Variants in BSG observed in about 807,000 individuals in gnomAD.
The protein encoded by BSG is basigin.
BSG carries 37 observed loss-of-function variants against 43.1 expected under a neutral mutation model. The observed-to-expected ratio is 0.86, with a 90% CI of 0.66 to 1.13. The LOEUF is 1.13. Among genes scored for constraint, BSG ranks in the 50% most tolerant of loss-of-function variants. The probability of loss-of-function intolerance (pLI) is 0.00; values close to 1 mark genes in which losing one functional copy is unlikely to be tolerated. For synonymous variants in BSG, 309 were observed against 238.7 expected, an observed-to-expected ratio of 1.29 and a Z score of -2.72; for missense variants, 599 against 554.2, an observed-to-expected ratio of 1.08 and a Z score of -0.81.
intron 1 of BSG, among the ~76,000 whole-genome samples, chr19:574,406 A>G (rs1402062693): frequency 1.3e-5 from 2 of 151,984 alleles, no homozygotes; most frequent in Non-Finnish European, 2.9e-5. Context: ...ACAAAAAATT[A>G]GCCTGGCGTG....
intron 8 of BSG, 71 bp downstream of exon 8, chr19:582,653 T>C: frequency 1.4e-6 from 2 of 1,411,828 alleles, no homozygotes; most frequent in Non-Finnish European, 1.9e-6. Flanking sequence ...GAGCCAGGTG[T>C]GGTGGGCGGG....
chr19:579,343 C>T, intron 2 of BSG, 157 bp from the exon 3 acceptor site: 1 of 1,025,784 alleles, frequency 9.7e-7, no homozygotes, highest in Non-Finnish European at 1.5e-6. Flanking sequence ...CAGAAGTTCC[C>T]CTTGGGCCTC....
chr19:572,331 A>T (rs1981311598), upstream of BSG: 3 of 987,458 alleles, frequency 3.0e-6, no homozygotes, highest in South Asian at 9.6e-5. Context: ...CTTTGAAAGC[A>T]GGAAGGAAGA....
At chr19:572,588 G>A (rs1981346792), upstream of BSG, 1 of 1,441,096 alleles carries the variant, frequency 6.9e-7, no homozygotes, top group Non-Finnish European at 9.2e-7. Flanking sequence ...GCCGCGGGCG[G>A]CGGCGGCAGC....
Position 582,443 on chromosome 19 carries a change from G to T in BSG, c.1095-71G>T, listed in dbSNP as rs552366872. On this transcript the variant is annotated intron_variant, in intron 7 of 8. Transcript: ENST00000333511. ...CAGTATTCGGGGGTCCTGGGGGCCG[G>T]GGTGGGCAGGGGTGACTTGGAGAGA... 6.5e-4 allele frequency: 1,047 copies of T among 1,599,414 alleles called. 3 individuals carry two copies. Among genetic ancestry groups the T allele is most frequent in the Non-Finnish European group, 6.7e-4 (786 of 1,172,126 alleles).
rs369004374 is a variant in BSG at position 581,385 on chromosome 19, A to G, written c.863A>G (p.Glu288Gly). ...CAGGGCCGGTCAGAGCTACACATTG[A>G]GAACCTGAACATGGAGGCCGACCCC... ...SSQGRSELHI[E>G]NLNMEADPGQ... The change falls in exon 6 of 9, where the codon GAG (glutamate) becomes GGG (glycine). Residue 288 changes from glutamate to glycine, a missense_variant. Transcript: ENST00000333511. The G allele has an allele frequency of 3.1e-6, 5 of 1,612,832 alleles. No homozygotes were observed. The highest frequency in any genetic ancestry group is 1.1e-5 in the South Asian group (1 of 91,086).
Position 578,906 on chromosome 19 carries a change from A to T in BSG, c.416-594A>T, listed in dbSNP as rs1221398191. ...CCAACATGCCCAGCTAATTTTTTGT[A>T]TTTTTAGAAGAGACGGGGTTTCACC... On this transcript the variant is annotated intron_variant, in intron 2 of 8. Transcript: ENST00000333511. The T allele has an allele frequency of 7.6e-6, 3 of 396,572 alleles. No individual in the cohort carries two copies. In the Admixed American group the frequency reaches 8.5e-5, roughly 11 times the overall value. 24.6% of individuals were successfully genotyped at this position (396,572 alleles called of 1,614,324 possible).
At chr19:577,247 CCT>C (rs10593023) in intron 1 of BSG, among the ~76,000 whole-genome samples, 37,711 of 151,968 alleles carry the variant, frequency 0.25, 5,031 homozygotes, top group East Asian at 0.45. Flanking sequence ...CCCAAATCCG[CCT>C]CTCTCTGGGT....
chr19:574,486 G>A (rs1236783698), intron 1 of BSG, among the ~76,000 whole-genome samples: 4 of 151,514 alleles, frequency 2.6e-5, no homozygotes, highest in African/African-American at 4.9e-5. Context: ...CAGGGAGGCG[G>A]AGCTTGCAGT....
At chr19:580,253 G>C in intron 3 of BSG, 126 bp from the exon 4 acceptor site, 2 of 809,096 alleles carry the variant, frequency 2.5e-6, no homozygotes, top group Non-Finnish European at 3.9e-6. Flanking sequence ...GTTCTTTTGA[G>C]GTTCAGACTT....
At chr19:575,675 C>A (rs889070768) in intron 1 of BSG, among the ~76,000 whole-genome samples, 5 of 150,796 alleles carry the variant, frequency 3.3e-5, no homozygotes, top group African/African-American at 7.3e-5. Flanking sequence ...AAGTACCACG[C>A]GGCCTGCCTG....
chr19:580,567 G>C, intron 4 of BSG, 79 bp from the exon 5 acceptor site: 1 of 1,605,720 alleles, frequency 6.2e-7, no homozygotes. Flanking sequence ...CTCCCTGGAG[G>C]GGAACAGCCC....
chr19:579,213 TCCCAGCGCCTTAG>T, intron 2 of BSG: 1 of 545,682 alleles, frequency 1.8e-6, no homozygotes, highest in Non-Finnish European at 3.5e-6. Context: ...GCCTCTGGGT[TCCCAGCGCCTTAG>T]CCCAGGGCCC....
rs777405195 is a variant in BSG at position 581,420 on chromosome 19, C to T, written c.898C>T (p.Arg300Trp). 5 of 1,612,716 alleles carry T rather than the reference C, an allele frequency of 3.1e-6. No individual in the cohort carries two copies. The highest frequency in any genetic ancestry group is 2.2e-5 in the South Asian group (2 of 91,086). ...LNMEADPGQY[R>W]CNGTSSKGSD... ...CATGGAGGCCGACCCCGGCCAGTAC[C>T]GGTGCAACGGCACCAGCTCCAAGGG... The change falls in exon 6 of 9, where the codon CGG becomes TGG. Residue 300 changes from arginine to tryptophan, a missense_variant. Transcript: ENST00000333511.
intron 1 of BSG, among the ~76,000 whole-genome samples, chr19:576,901 G>A (rs867981016): frequency 2.5e-4 from 38 of 152,198 alleles, no homozygotes; most frequent in African/African-American, 8.4e-4. Context: ...ACGCAGCCTC[G>A]GAGCCGTGTG....
At chr19:578,172 C>A in intron 2 of BSG, 51 bp downstream of exon 2, 1 of 1,451,882 alleles carries the variant, frequency 6.9e-7, no homozygotes, top group South Asian at 1.4e-5. Context: ...CCTCCTGTGC[C>A]GCTCGCCTCC....
In BSG at chr19:572,732, T is replaced by C. The variant is rs754220807; in HGVS notation, c.67+31T>C. On this transcript the variant is annotated intron_variant, in intron 1 of 8. Transcript: ENST00000333511. ...GAGCGGGTAGGGGGCGGGGGTGCGG[T>C]CCTGCAGGGGCCGGGAATGGAGGCC... is the stretch of plus-strand genomic sequence containing the variant. The C allele has an allele frequency of 1.8e-5, 26 of 1,438,126 alleles. No individual in the cohort carries two copies. In the East Asian group the frequency reaches 3.6e-4, roughly 20 times the overall value. 89.1% of individuals were successfully genotyped at this position (1,438,126 alleles called of 1,614,324 possible).
At chr19:581,689 TG>T (rs1395121404) in intron 6 of BSG, 98 bp downstream of exon 6, 1 of 1,418,766 alleles carries the variant, frequency 7.0e-7, no homozygotes, top group Non-Finnish European at 9.3e-7. Flanking sequence ...ACCCAGAGCT[TG>T]GAACTGAGGA....
At chr19:580,886 CCTA>C (rs1267262022) in intron 5 of BSG, 104 bp downstream of exon 5, 31 of 1,047,876 alleles carry the variant, frequency 3.0e-5, no homozygotes, top group African/African-American at 1.1e-4. Flanking sequence ...GGGTGAGGGG[CCTA>C]GACTGGGGGT....
Sources: allele counts gnomAD v4.1 joint callset (sites outside exome capture counted in the v4.1 genomes callset), GRCh38; gene constraint gnomAD v4.1.1; transcripts MANE v1.5; gene names NCBI Gene and HGNC (gene_info 2026-07-23, HGNC 2026-07-21).